Variants in CALHM6 observed in about 807,000 individuals in gnomAD.
CALHM6 encodes the protein calcium homeostasis modulator protein 6.
A neutral mutation model predicts 12.7 loss-of-function variants in CALHM6; 15 were observed. The observed-to-expected ratio is 1.18, with a 90% CI of 0.79 to 1.82. CALHM6 has a LOEUF of 1.82. Ranked by LOEUF, CALHM6 falls within the 40% of genes most tolerant of loss-of-function variation. The probability of loss-of-function intolerance (pLI) is 0.00; values close to 1 mark genes in which losing one functional copy is unlikely to be tolerated. For synonymous variants in CALHM6, 212 were observed against 193.7 expected (o/e 1.09, Z -0.78); for missense variants, 434 against 421.0 (o/e 1.03, Z -0.27).
Position 116,462,288 on chromosome 6 carries a change from G to A in CALHM6, c.359G>A (p.Gly120Glu). The change falls in exon 2 of 3, where the codon GGG (glycine) becomes GAG (glutamate). Residue 120 changes from glycine (G) to glutamate (E), a missense_variant. By Grantham distance (98) the Gly-to-Glu change is moderately conservative. Coordinates refer to ENST00000368605, the MANE Select transcript of CALHM6 (RefSeq NM_001010919.3). ...ACCTGGGTGGCCGTGGCGCTGCTCG[G>A]GGGCGCCTTTTACGAGTGCGCGGCC... is the stretch of plus-strand genomic sequence containing the variant. ...PLTWVAVALL[G>E]GAFYECAATG... 7.1e-7 allele frequency: 1 copy of A among 1,409,948 alleles called. No individual in the cohort carries two copies. Among genetic ancestry groups the A allele is most frequent in the Non-Finnish European group, 9.2e-7 (1 of 1,088,998 alleles). 87.3% of individuals were successfully genotyped at this position (1,409,948 alleles called of 1,614,324 possible).
In CALHM6 at chr6:116,461,857, C is replaced by G; in HGVS notation, c.-58-15C>G. 7.2e-7 allele frequency: 1 copy of G among 1,395,806 alleles called. No individual in the cohort carries two copies. The allele number at this position is 1,395,806 out of a possible 1,614,324, so 86.5% of individuals were successfully genotyped here. A position where few individuals can be genotyped will look rare whatever the true frequency, so the allele number is the denominator to read the frequency against. ...AGCCCCGGTCCCCATCCCACCAAAACCATTTGACAAGCAGGACAACGAAGA... is the reference window on the plus strand; with the variant it reads ...AGCCCCGGTCCCCATCCCACCAAAAGCATTTGACAAGCAGGACAACGAAGA... On this transcript the variant is annotated splice_polypyrimidine_tract_variant and intron_variant, in intron 1 of 2. Coordinates refer to ENST00000368605, the MANE Select transcript of CALHM6 (RefSeq NM_001010919.3).
intron 2 of CALHM6, 75 bp downstream of exon 2, chr6:116,462,529 A>G: frequency 9.0e-7 from 1 of 1,116,064 alleles, no homozygotes; most frequent in Non-Finnish European, 1.2e-6. Context: ...GGGTGAGGGA[A>G]AAATCGGTGA....
chr6:116,463,192 C>T, intron 2 of CALHM6, 91 bp from the exon 3 acceptor site: 1 of 1,253,248 alleles, frequency 8.0e-7, no homozygotes, highest in Non-Finnish European at 1.1e-6. Context: ...ATCATCATAA[C>T]TGGCGAGTAG....
rs758179055 is a variant in CALHM6 at position 116,462,349 on chromosome 6, C to T, written c.420C>T (p.Leu140=). Reference sequence around the variant, plus strand: ...CGGCCTTCGCGCAGCGCCTGTGCCTCGGCCGCAACCGCAGCTGCGCCGCGG... The same window carrying T: ...CGGCCTTCGCGCAGCGCCTGTGCCTTGGCCGCAACCGCAGCTGCGCCGCGG... ...GSAAFAQRLC[L]GRNRSCAAEL... is the part of the protein sequence containing the mutation. Residue 140 remains leucine, a synonymous_variant, in exon 2 of 3, where the codon CTC becomes CTT. Transcript: ENST00000368605. 131 of 1,452,420 alleles carry T rather than the reference C, an allele frequency of 9.0e-5. 1 individual carries two copies. In the East Asian group the frequency reaches 3.9e-3, roughly 43 times the overall value. The allele number at this position is 1,452,420 out of a possible 1,614,324, so 90.0% of individuals were successfully genotyped here. A position where few individuals can be genotyped will look rare whatever the true frequency, so the allele number is the denominator to read the frequency against.
rs1418803223 is a variant in CALHM6 at position 116,462,328 on chromosome 6, C to G, written c.399C>G (p.Ala133=). Residue 133 remains alanine (A), a synonymous_variant, in exon 2 of 3, where the codon GCC becomes GCG. Coordinates refer to ENST00000368605, the MANE Select transcript of CALHM6 (RefSeq NM_001010919.3). ...AGTGCGCGGCCACCGGGAGCGCGGC[C>G]TTCGCGCAGCGCCTGTGCCTCGGCC... ...FYECAATGSA[A]FAQRLCLGRN... 3 of 1,440,322 alleles carry G rather than the reference C, an allele frequency of 2.1e-6. No homozygotes were observed. Among genetic ancestry groups the G allele is most frequent in the Non-Finnish European group, 9.1e-7 (1 of 1,102,030 alleles). The allele number at this position is 1,440,322 out of a possible 1,614,324, so 89.2% of individuals were successfully genotyped here.
intron 1 of CALHM6, 48 bp from the exon 2 acceptor site, chr6:116,461,824 G>C: frequency 1.9e-6 from 2 of 1,078,646 alleles, no homozygotes; most frequent in Non-Finnish European, 2.5e-6. Flanking sequence ...GCTTCTCGCA[G>C]AGTGGAAAGC....
chr6:116,463,161 A>C, intron 2 of CALHM6, 122 bp from the exon 3 acceptor site: 1 of 931,274 alleles, frequency 1.1e-6, no homozygotes, highest in Non-Finnish European at 1.6e-6. Context: ...AGGAATTAAG[A>C]CCTAAAACTG....
Position 116,462,225 on chromosome 6 carries a change from G to C in CALHM6, c.296G>C (p.Cys99Ser). ...TCGGCGCTGCGCGGCTCCCTGGTGTGCACGCAAATCAGCGCGGCCGCCGCG... is the reference window on the plus strand; with the variant it reads ...TCGGCGCTGCGCGGCTCCCTGGTGTCCACGCAAATCAGCGCGGCCGCCGCG... ...CGSALRGSLVCTQISAAAALA... is the reference protein window; with the variant it reads ...CGSALRGSLVSTQISAAAALA... The change falls in exon 2 of 3, where the codon TGC (cysteine) becomes TCC (serine). Residue 99 changes from cysteine (C) to serine (S), a missense_variant. Physicochemically the swap from Cys to Ser is moderately radical, Grantham distance 112 (BLOSUM62 -1). Transcript: ENST00000368605. The C allele has an allele frequency of 7.1e-7, 1 of 1,415,662 alleles. No homozygotes were observed. Among genetic ancestry groups the C allele is most frequent in the Non-Finnish European group, 9.2e-7 (1 of 1,090,406 alleles). 87.7% of individuals were successfully genotyped at this position (1,415,662 alleles called of 1,614,324 possible). A position where few individuals can be genotyped will look rare whatever the true frequency, so the allele number is the denominator to read the frequency against.
chr6:116,461,471 A>ATCTGGC, intron 1 of CALHM6, 42 bp downstream of exon 1: 3 of 1,536,972 alleles, frequency 2.0e-6, no homozygotes, highest in Non-Finnish European at 2.6e-6. Context: ...TTTTACTGTG[A>ATCTGGC]TCTGGCTTAG....
In CALHM6 at chr6:116,462,182, G is replaced by C. The variant is rs1243134683; in HGVS notation, c.253G>C (p.Ala85Pro). ...CCTGCTCACCGGATGCTGCTCCAGC[G>C]CCCGCGCGAGTTGCGGATCGGCGCT... ...WRLLTGCCSS[A>P]RASCGSALRG... Residue 85 changes from alanine (A) to proline (P), a missense_variant, in exon 2 of 3, where the codon GCC becomes CCC. Coordinates refer to ENST00000368605, the MANE Select transcript of CALHM6 (RefSeq NM_001010919.3). The C allele has an allele frequency of 1.3e-6, 2 of 1,512,744 alleles. No homozygotes were observed. The highest frequency in any genetic ancestry group is 2.6e-5 in the East Asian group (1 of 38,396). 93.7% of individuals were successfully genotyped at this position (1,512,744 alleles called of 1,614,324 possible). A position where few individuals can be genotyped will look rare whatever the true frequency, so the allele number is the denominator to read the frequency against.
Position 116,462,241 on chromosome 6 carries a change from G to C in CALHM6, c.312G>C (p.Ala104=). ...CCCTGGTGTGCACGCAAATCAGCGC[G>C]GCCGCCGCGCTCGCGCCCCTCACCT... is the stretch of plus-strand genomic sequence containing the variant. ...RGSLVCTQIS[A]AAALAPLTWV... is the part of the protein sequence containing the mutation. The change falls in exon 2 of 3, where the codon GCG becomes GCC. Residue 104 remains alanine, a synonymous_variant. Transcript: ENST00000368605. 3 of 1,373,078 alleles carry C rather than the reference G, an allele frequency of 2.2e-6. No individual in the cohort carries two copies. Among genetic ancestry groups the C allele is most frequent in the Non-Finnish European group, 2.8e-6 (3 of 1,068,488 alleles). The allele number at this position is 1,373,078 out of a possible 1,614,324, so 85.1% of individuals were successfully genotyped here.
rs1490588528 is a variant in CALHM6 at position 116,462,306 on chromosome 6, G to T, written c.377G>T (p.Cys126Phe). ...VALLGGAFYE[C>F]AATGSAAFAQ... Reference sequence around the variant, plus strand: ...CTGCTCGGGGGCGCCTTTTACGAGTGCGCGGCCACCGGGAGCGCGGCCTTC... The same window carrying T: ...CTGCTCGGGGGCGCCTTTTACGAGTTCGCGGCCACCGGGAGCGCGGCCTTC... The change falls in exon 2 of 3, where the codon TGC becomes TTC. Residue 126 changes from cysteine (C) to phenylalanine (F), a missense_variant. Transcript: ENST00000368605. 1.4e-6 allele frequency: 2 copies of T among 1,427,464 alleles called. No homozygotes were observed. Among genetic ancestry groups the T allele is most frequent in the South Asian group, 2.9e-5 (2 of 69,328 alleles). The allele number at this position is 1,427,464 out of a possible 1,614,324, so 88.4% of individuals were successfully genotyped here. A position where few individuals can be genotyped will look rare whatever the true frequency, so the allele number is the denominator to read the frequency against.
Position 116,462,375 on chromosome 6 carries a change from A to T in CALHM6, c.446A>T (p.Glu149Val). The T allele has an allele frequency of 6.9e-7, 1 of 1,458,700 alleles. No homozygotes were observed. Among genetic ancestry groups the T allele is most frequent in the South Asian group, 1.3e-5 (1 of 74,372 alleles). The allele number at this position is 1,458,700 out of a possible 1,614,324, so 90.4% of individuals were successfully genotyped here. A position where few individuals can be genotyped will look rare whatever the true frequency, so the allele number is the denominator to read the frequency against. Reference protein sequence around the residue: ...CLGRNRSCAAELPLVPCNQAK... With the variant: ...CLGRNRSCAAVLPLVPCNQAK... ...GGCCGCAACCGCAGCTGCGCCGCGG[A>T]GCTGCCGCTGGTGCCGTGCAACCAG... Residue 149 changes from glutamate (E) to valine (V), a missense_variant, in exon 2 of 3, where the codon GAG becomes GTG. Transcript: ENST00000368605.
rs75032644 is a variant in CALHM6 at position 116,461,964 on chromosome 6, T to G, written c.35T>G (p.Val12Gly). 177 of 1,543,356 alleles carry G rather than the reference T, an allele frequency of 1.1e-4. No individual in the cohort carries two copies. The East Asian group carries it at 4.3e-3, about 37-fold the overall frequency. The change falls in exon 2 of 3, where the codon GTC (valine) becomes GGC (glycine). Residue 12 changes from valine to glycine, a missense_variant. Transcript: ENST00000368605. Reference sequence around the variant, plus strand: ...TTTCGGGCGGTGCTGGACCTGCACGTCAAGCACCACAGCGCCTTGGGCTAC... The same window carrying G: ...TTTCGGGCGGTGCTGGACCTGCACGGCAAGCACCACAGCGCCTTGGGCTAC... The part of the protein sequence containing the change: ...EKFRAVLDLH[V>G]KHHSALGYGL...
Position 116,461,434 on chromosome 6 carries a change from G to A in CALHM6, c.-59+5G>A, listed in dbSNP as rs1313472585. 4 of 1,550,334 alleles carry A rather than the reference G, an allele frequency of 2.6e-6. No homozygotes were observed. The highest frequency in any genetic ancestry group is 2.7e-5 in the African/African-American group (2 of 73,150). On this transcript the variant is annotated splice_donor_5th_base_variant and intron_variant, in intron 1 of 2. Coordinates refer to ENST00000368605, the MANE Select transcript of CALHM6 (RefSeq NM_001010919.3). ...TGTCCTTGAATAATGTTTCCCGTAA[G>A]TAATCAGTTTTTTGATAATTATTTG...
At chr6:116,461,792 TAAAA>T in intron 1 of CALHM6, 76 bp from the exon 2 acceptor site, 16 of 745,688 alleles carry the variant, frequency 2.1e-5, no homozygotes, top group South Asian at 1.1e-4. Flanking sequence ...CTCTTCCCTT[TAAAA>T]AAAAAAAAAA....
rs1456565939 is a variant in CALHM6 at position 116,463,614 on chromosome 6, C to T, written c.857C>T (p.Thr286Ile). The T allele has an allele frequency of 1.2e-6, 2 of 1,614,060 alleles. No individual in the cohort carries two copies. The highest frequency in any genetic ancestry group is 1.1e-5 in the South Asian group (1 of 91,084). Residue 286 changes from threonine (T) to isoleucine (I), a missense_variant, in exon 3 of 3, where the codon ACT becomes ATT. By Grantham distance (89) the Thr-to-Ile change is moderately conservative. Coordinates refer to ENST00000368605, the MANE Select transcript of CALHM6 (RefSeq NM_001010919.3). ...LHKYVNRKEK[T>I]HSIRSTEGDT... is the part of the protein sequence containing the mutation. Reference sequence around the variant, plus strand: ...AAATATGTCAACAGAAAAGAGAAGACTCACAGTATCAGGTCTACTGAAGGA... The same window carrying T: ...AAATATGTCAACAGAAAAGAGAAGATTCACAGTATCAGGTCTACTGAAGGA...
At position 116,463,769 on chromosome 6, in the gene CALHM6, G is replaced by A. The variant is rs917958715; in HGVS notation, c.*64G>A. On this transcript the variant is annotated 3_prime_UTR_variant, in exon 3 of 3. Coordinates refer to ENST00000368605, the MANE Select transcript of CALHM6 (RefSeq NM_001010919.3). Reference sequence around the variant, plus strand: ...TTGCTTTATTAAAAAATAAACATTGGTATTTTTTGAGTGCTTTTTTTCTTC... The same window carrying A: ...TTGCTTTATTAAAAAATAAACATTGATATTTTTTGAGTGCTTTTTTTCTTC... 8 of 1,320,808 alleles carry A rather than the reference G, an allele frequency of 6.1e-6. No homozygotes were observed. Among genetic ancestry groups the A allele is most frequent in the Non-Finnish European group, 8.2e-6 (8 of 981,518 alleles). The allele number at this position is 1,320,808 out of a possible 1,614,324, so 81.8% of individuals were successfully genotyped here. A position where few individuals can be genotyped will look rare whatever the true frequency, so the allele number is the denominator to read the frequency against.
chr6:116,461,835 C>T (rs1474599778), intron 1 of CALHM6, 37 bp from the exon 2 acceptor site: 3 of 1,303,060 alleles, frequency 2.3e-6, no homozygotes, highest in Non-Finnish European at 3.0e-6. Flanking sequence ...AGTGGAAAGC[C>T]CCGGTCCCCA....
Sources: gnomAD v4.1 joint callset for allele counts on GRCh38, gnomAD v4.1.1 for gene constraint, MANE v1.5 for transcripts, NCBI Gene and HGNC (gene_info 2026-07-23, HGNC 2026-07-21) for gene names.